The following RTKN2 variants were observed in gnomAD, a reference collection of about 807,000 sequenced individuals.
RTKN2 encodes rhotekin 2.
In RTKN2, 69 loss-of-function variants were observed where a neutral mutation model predicts 71.5. The observed-to-expected ratio is 0.96, with a 90% CI of 0.79 to 1.18. The LOEUF is 1.18. Ranked by LOEUF, RTKN2 falls within the 50% of genes most tolerant of loss-of-function variation. The pLI, the probability that RTKN2 is intolerant of heterozygous loss-of-function variation, is 0.00. For synonymous variants in RTKN2, 236 were observed against 236.5 expected, an observed-to-expected ratio of 1.00 and a Z score of 0.02; for missense variants, 724 against 719.7, an observed-to-expected ratio of 1.01 and a Z score of -0.07.
At chr10:62,204,087 A>G (rs1031697530) in intron 10 of RTKN2, among the ~76,000 whole-genome samples, 1 of 152,204 alleles carries the variant, frequency 6.6e-6, no homozygotes, top group Non-Finnish European at 1.5e-5. Flanking sequence ...TCAACTTTCT[A>G]TGGAATAGGA....
At chr10:62,262,898 T>A in intron 1 of RTKN2, 77 bp from the exon 2 acceptor site, 1 of 840,158 alleles carries the variant, frequency 1.2e-6, no homozygotes. Flanking sequence ...CGAAAATAGG[T>A]ATCATAATTG....
At chr10:62,222,737 C>T (rs748872507) in intron 7 of RTKN2, among the ~76,000 whole-genome samples, 1 of 152,256 alleles carries the variant, frequency 6.6e-6, no homozygotes, top group African/African-American at 2.4e-5. Flanking sequence ...TTCCTAATGA[C>T]CTAAACCCCT....
intron 9 of RTKN2, among the ~76,000 whole-genome samples, chr10:62,211,944 G>A (rs921740182): frequency 6.6e-6 from 1 of 152,076 alleles, no homozygotes; most frequent in Non-Finnish European, 1.5e-5. Flanking sequence ...GATTACAGGC[G>A]TGAGCTACCG....
chr10:62,263,248 T>G (rs1294657792), intron 1 of RTKN2, among the ~76,000 whole-genome samples: 2 of 152,092 alleles, frequency 1.3e-5, no homozygotes, highest in African/African-American at 4.8e-5. Flanking sequence ...AAAGGTCCCA[T>G]GAAGACACAG....
chr10:62,187,195 C>T (rs952640036), intron 8 of RTKN2, among the ~76,000 whole-genome samples: 2 of 151,492 alleles, frequency 1.3e-5, no homozygotes, highest in Admixed American at 1.3e-4. Context: ...CCCAGATAAC[C>T]TTTGAGTGAC....
intron 9 of RTKN2, among the ~76,000 whole-genome samples, chr10:62,216,047 C>T (rs1444350213): frequency 6.6e-6 from 1 of 151,858 alleles, no homozygotes; most frequent in Admixed American, 6.6e-5. Flanking sequence ...CACTAAAAGA[C>T]TTTCTGTAAG....
At chr10:62,218,823 TAA>T (rs1554810226) in intron 7 of RTKN2, among the ~76,000 whole-genome samples, 6 of 151,288 alleles carry the variant, frequency 4.0e-5, no homozygotes, top group South Asian at 2.1e-4. Flanking sequence ...CTGTCTCTAC[TAA>T]AAATACAAAA....
At chr10:62,241,445 T>C (rs540799987) in intron 3 of RTKN2, among the ~76,000 whole-genome samples, 2 of 152,346 alleles carry the variant, frequency 1.3e-5, no homozygotes, top group East Asian at 3.9e-4. Flanking sequence ...ATATATCTGT[T>C]TCTTCCTTAC....
downstream of RTKN2, among the ~76,000 whole-genome samples, chr10:62,190,050 G>A (rs1409176038): frequency 6.6e-6 from 1 of 151,988 alleles, no homozygotes; most frequent in Non-Finnish European, 1.5e-5. Flanking sequence ...GCCTGACAGT[G>A]GAGTCTATCT....
Position 62,236,262 on chromosome 10 carries a change from T to TAA in RTKN2, c.489_490insTT (p.Asn164LeufsTer10). On this transcript the variant is annotated frameshift_variant and splice_region_variant, in exon 6 of 12. Coordinates refer to ENST00000373789, the MANE Select transcript of RTKN2 (RefSeq NM_145307.4). LOFTEE classifies it high-confidence loss of function. ...ATCTGAAAGTCTGGCCCTGCTTCAT[T>TAA]ACTAAAAACAAGGGCATTCATAATG... 1 of 1,593,332 alleles carries TAA rather than the reference T, an allele frequency of 6.3e-7. No homozygotes were observed. The highest frequency in any genetic ancestry group is 8.6e-7 in the Non-Finnish European group (1 of 1,166,608).
At chr10:62,256,205 T>C (rs908458125) in intron 2 of RTKN2, among the ~76,000 whole-genome samples, 3 of 152,072 alleles carry the variant, frequency 2.0e-5, no homozygotes, top group Admixed American at 6.6e-5. Flanking sequence ...TATTTTTTTG[T>C]AGAAACGAGG....
At chr10:62,188,279 C>T (rs1205495417), downstream of RTKN2, among the ~76,000 whole-genome samples, 2 of 152,118 alleles carry the variant, frequency 1.3e-5, no homozygotes, top group East Asian at 3.9e-4. Flanking sequence ...GGTGAGAGGC[C>T]TCAGTTTCTT....
At position 62,268,709 on chromosome 10, in the gene RTKN2, C is replaced by A; in HGVS notation, c.-99G>T. The A allele has an allele frequency of 7.9e-7, 1 of 1,273,776 alleles. No homozygotes were observed. The highest frequency in any genetic ancestry group is 1.1e-6 in the Non-Finnish European group (1 of 919,708). The allele number at this position is 1,273,776 out of a possible 1,614,324, so 78.9% of individuals were successfully genotyped here. ...CCGCAGAGGACGCCAACCGCCCGGC[C>A]GTACCAAGTCCCAGTCGCAGGGGCC... is the stretch of plus-strand genomic sequence containing the variant. On this transcript the variant is annotated 5_prime_UTR_variant, in exon 1 of 12. Transcript: ENST00000373789.
At position 62,195,428 on chromosome 10, in the gene RTKN2, C is replaced by G; in HGVS notation, c.*2480G>C. On this transcript the variant is annotated 3_prime_UTR_variant, in exon 12 of 12. Transcript: ENST00000373789. ...AATTCTTTTGAAACACTCTTTGACA[C>G]AGTGCTTAACTATTTTTAGATTTTT... is the stretch of plus-strand genomic sequence containing the variant. The G allele has an allele frequency of 4.1e-6, 4 of 981,820 alleles. No homozygotes were observed. The highest frequency in any genetic ancestry group is 4.8e-6 in the Non-Finnish European group (4 of 827,058). The allele number at this position is 981,820 out of a possible 1,614,324, so 60.8% of individuals were successfully genotyped here.
chr10:62,230,248 T>C (rs1291143910), intron 6 of RTKN2, among the ~76,000 whole-genome samples: 1 of 152,222 alleles, frequency 6.6e-6, no homozygotes, highest in Non-Finnish European at 1.5e-5. Flanking sequence ...CTCAGCTCAC[T>C]GCAACCTCTG....
intron 1 of RTKN2, among the ~76,000 whole-genome samples, chr10:62,266,982 G>C (rs1233482712): frequency 6.6e-6 from 1 of 152,220 alleles, no homozygotes; most frequent in African/African-American, 2.4e-5. Flanking sequence ...TGTTTGACCA[G>C]TGTGTGACCA....
At chr10:62,204,613 A>T (rs1841510252) in intron 10 of RTKN2, among the ~76,000 whole-genome samples, 1 of 152,172 alleles carries the variant, frequency 6.6e-6, no homozygotes, top group South Asian at 2.1e-4. Context: ...TGTTTTAGTG[A>T]CCAGAGGGAG....
At chr10:62,190,757 G>T (rs1297418721), downstream of RTKN2, among the ~76,000 whole-genome samples, 2 of 152,162 alleles carry the variant, frequency 1.3e-5, no homozygotes, top group Non-Finnish European at 2.9e-5. Context: ...AACTCCGTCA[G>T]CTCTAGTTCT....
At chr10:62,191,010 A>G (rs1227373364), downstream of RTKN2, among the ~76,000 whole-genome samples, 1 of 151,526 alleles carries the variant, frequency 6.6e-6, no homozygotes, top group Non-Finnish European at 1.5e-5. Context: ...GCAAAATGAA[A>G]CTCCTCCAGG....
Sources: gnomAD v4.1 joint callset for allele counts (sites outside exome capture counted in the v4.1 genomes callset) on GRCh38, gnomAD v4.1.1 for gene constraint, MANE v1.5 for transcripts, NCBI Gene and HGNC (gene_info 2026-07-23, HGNC 2026-07-21) for gene names.